Variants in CACNA2D1 observed in about 807,000 individuals in gnomAD.
CACNA2D1 encodes calcium voltage-gated channel auxiliary subunit alpha2delta 1.
Under a neutral mutation model 171.5 loss-of-function variants are expected in CACNA2D1, and 53 were observed. That is an observed-to-expected ratio of 0.31 (90% CI 0.25 to 0.39). The LOEUF (loss-of-function observed/expected upper bound fraction) is 0.39. CACNA2D1 is among the 10% of genes least tolerant of loss of function. The pLI, the probability that CACNA2D1 is intolerant of heterozygous loss-of-function variation, is 1.00. For synonymous variants in CACNA2D1, 442 were observed against 443.1 expected (o/e 1.00, Z 0.03); for missense variants, 903 against 1,299.8 (o/e 0.69, Z 4.69).
At chr7:82,169,530 A>T (rs1399572919) in intron 4 of CACNA2D1, among the ~76,000 whole-genome samples, 1 of 152,058 alleles carries the variant, frequency 6.6e-6, no homozygotes, top group Non-Finnish European at 1.5e-5. Flanking sequence ...CATGAATTAA[A>T]TATCATTTAG....
chr7:82,337,352 A>G (rs1298686855), intron 2 of CACNA2D1, among the ~76,000 whole-genome samples: 2 of 152,138 alleles, frequency 1.3e-5, no homozygotes, highest in African/African-American at 2.4e-5. Context: ...GGTTCCAAAG[A>G]CTACAATCAT....
At chr7:82,373,930 C>T (rs933077852) in intron 1 of CACNA2D1, among the ~76,000 whole-genome samples, 26 of 152,140 alleles carry the variant, frequency 1.7e-4, no homozygotes, top group Admixed American at 1.7e-3. Flanking sequence ...TAGTTTCAAA[C>T]AATACAATCA....
At chr7:82,259,441 T>C (rs967161819) in intron 3 of CACNA2D1, among the ~76,000 whole-genome samples, 1 of 152,210 alleles carries the variant, frequency 6.6e-6, no homozygotes, top group Non-Finnish European at 1.5e-5. Flanking sequence ...CATTTGTTAT[T>C]TGGAATACTA....
chr7:82,077,704 T>C (rs1563009820), intron 7 of CACNA2D1, among the ~76,000 whole-genome samples: 1 of 149,990 alleles, frequency 6.7e-6, no homozygotes, highest in African/African-American at 2.5e-5. Context: ...TATATAATGA[T>C]CAACAACTAT....
chr7:81,973,835 A>C (rs1377488533), intron 25 of CACNA2D1, among the ~76,000 whole-genome samples: 1 of 152,076 alleles, frequency 6.6e-6, no homozygotes. Context: ...TATTAAGCTT[A>C]GAGTATGAAT....
intron 10 of CACNA2D1, among the ~76,000 whole-genome samples, chr7:82,045,620 A>G (rs1027591832): frequency 6.6e-6 from 1 of 152,164 alleles, no homozygotes; most frequent in Non-Finnish European, 1.5e-5. Context: ...CAACAAATTA[A>G]GATTTTGAAT....
chr7:82,111,428 G>GTGTATATATATATATATATATA (rs1413914216), intron 6 of CACNA2D1, among the ~76,000 whole-genome samples: 2 of 50,402 alleles, frequency 4.0e-5, no homozygotes, highest in African/African-American at 1.9e-4. Flanking sequence ...ATATATGTGT[G>GTGTATATATATATATATATATA]TATATATATA....
At chr7:82,297,429 G>A (rs10237261) in intron 3 of CACNA2D1, among the ~76,000 whole-genome samples, 84,671 of 151,944 alleles carry the variant, frequency 0.56, 25,101 homozygotes, top group African/African-American at 0.77. Context: ...CTTGTTTTCA[G>A]TTGGTAACTT....
chr7:82,023,583 G>T (rs915449917), intron 12 of CACNA2D1, among the ~76,000 whole-genome samples: 3 of 147,008 alleles, frequency 2.0e-5, no homozygotes, highest in Admixed American at 6.9e-5. Context: ...AAAGAGTTAG[G>T]TTTTTTTTTT....
chr7:82,297,855 A>T (rs1183211521), intron 3 of CACNA2D1, among the ~76,000 whole-genome samples: 1 of 152,152 alleles, frequency 6.6e-6, no homozygotes, highest in East Asian at 1.9e-4. Flanking sequence ...ACCTTCATAA[A>T]CAAGAAACAA....
In CACNA2D1 at chr7:82,005,972, C is replaced by A. The variant is rs10480896; in HGVS notation, c.1441-133G>T. The stretch of plus-strand genomic sequence containing the variant: ...GTTTAAATGTATATATAGGGTGAAG[C>A]ACTCTCAGTGTCAATTTACAAGGAT... On this transcript the variant is annotated intron_variant, in intron 16 of 38. Coordinates refer to ENST00000356860, the MANE Select transcript of CACNA2D1 (RefSeq NM_000722.4). 3,978 of 699,554 alleles carry A rather than the reference C, an allele frequency of 5.7e-3. 97 individuals are homozygous for A. In the African/African-American group the frequency reaches 0.061, roughly 11 times the overall value. The allele number at this position is 699,554 out of a possible 1,614,324, so 43.3% of individuals were successfully genotyped here. A position where few individuals can be genotyped will look rare whatever the true frequency, so the allele number is the denominator to read the frequency against.
intron 10 of CACNA2D1, among the ~76,000 whole-genome samples, chr7:82,048,185 T>C (rs1804768395): frequency 6.6e-6 from 1 of 152,212 alleles, no homozygotes; most frequent in African/African-American, 2.4e-5. Context: ...GAAGGAATTA[T>C]ATTCAATTTA....
At chr7:82,325,481 A>C (rs1329523442) in intron 3 of CACNA2D1, among the ~76,000 whole-genome samples, 2 of 108,784 alleles carry the variant, frequency 1.8e-5, no homozygotes, top group Non-Finnish European at 4.6e-5. Context: ...TTTAGTTATA[A>C]TAAGTACATG....
At chr7:81,999,646 ATTTTT>A (rs1798389646) in intron 18 of CACNA2D1, among the ~76,000 whole-genome samples, 1 of 152,150 alleles carries the variant, frequency 6.6e-6, no homozygotes, top group African/African-American at 2.4e-5. Flanking sequence ...CAGGTTGTTT[ATTTTT>A]TAATTATATT....
intron 4 of CACNA2D1, among the ~76,000 whole-genome samples, chr7:82,139,046 G>A (rs923537704): frequency 1.3e-5 from 2 of 152,014 alleles, no homozygotes; most frequent in African/African-American, 2.4e-5. Flanking sequence ...GTTCAACATC[G>A]TCATTTTCAA....
chr7:81,991,450 C>T (rs116751645), intron 20 of CACNA2D1, among the ~76,000 whole-genome samples: 1 of 152,032 alleles, frequency 6.6e-6, no homozygotes, highest in African/African-American at 2.4e-5. Context: ...AGTGAAAAAT[C>T]TTTATAGTTT....
chr7:82,135,423 T>C (rs1791492873), intron 5 of CACNA2D1, among the ~76,000 whole-genome samples: 1 of 152,038 alleles, frequency 6.6e-6, no homozygotes, highest in African/African-American at 2.4e-5. Context: ...AAATAATATA[T>C]ACAATCATGA....
intron 6 of CACNA2D1, among the ~76,000 whole-genome samples, chr7:82,104,008 T>A (rs258676): frequency 0.39 from 58,889 of 151,790 alleles, 11,640 homozygotes; most frequent in Non-Finnish European, 0.42. Flanking sequence ...TTTCAGGTTT[T>A]GTCTATTCAT....
chr7:82,222,895 T>C (rs963154536), intron 3 of CACNA2D1, among the ~76,000 whole-genome samples: 1 of 150,190 alleles, frequency 6.7e-6, no homozygotes, highest in Non-Finnish European at 1.5e-5. Flanking sequence ...TTTTTCTTTC[T>C]TTCTTTTTTT....
Sources: gnomAD v4.1 joint callset for allele counts (sites outside exome capture counted in the v4.1 genomes callset) on GRCh38, gnomAD v4.1.1 for gene constraint, MANE v1.5 for transcripts, NCBI Gene and HGNC (gene_info 2026-07-23, HGNC 2026-07-21) for gene names.